The following ASCC1 variants were observed in gnomAD, a reference collection of about 807,000 sequenced individuals.
The protein encoded by ASCC1 is ASC-1 complex subunit P50.
ASCC1 carries 35 observed loss-of-function variants against 46.6 expected under a neutral mutation model. That is an observed-to-expected ratio of 0.75 (90% CI 0.57 to 0.99). The LOEUF is 0.99. ASCC1 is among the 50% of genes least tolerant of loss of function. The pLI is 0.00. For missense variants in ASCC1, 376 were observed against 428.7 expected, an observed-to-expected ratio of 0.88 and a Z score of 1.09; for synonymous variants, 143 against 146.6, an observed-to-expected ratio of 0.98 and a Z score of 0.18.
intron 9 of ASCC1, chr10:72,102,403 T>A: frequency 6.5e-7 from 1 of 1,550,200 alleles, no homozygotes; most frequent in Non-Finnish European, 8.7e-7. Flanking sequence ...AGAATATGCA[T>A]CAGAGACACC....
chr10:72,154,844 T>C (rs574681176), intron 6 of ASCC1, among the ~76,000 whole-genome samples: 9 of 152,128 alleles, frequency 5.9e-5, no homozygotes, highest in Non-Finnish European at 1.3e-4. Context: ...TACCAAAAGA[T>C]TGGCAACAGA....
intron 5 of ASCC1, among the ~76,000 whole-genome samples, chr10:72,184,255 A>G (rs186095022): frequency 6.6e-6 from 1 of 152,164 alleles, no homozygotes; most frequent in East Asian, 1.9e-4. Flanking sequence ...AAAATAAAGA[A>G]GAGACAGAAA....
At position 72,133,347 on chromosome 10, in the gene ASCC1, A is replaced by G. The variant is rs1199057941; in HGVS notation, c.747-166T>C. ...ACTCATCTCCCACCATCATGGAGCT[A>G]AAGATCAGTCTTGTTTGTCTGCTTA... is the stretch of plus-strand genomic sequence containing the variant. On this transcript the variant is annotated intron_variant, in intron 7 of 9. Coordinates refer to ENST00000672957, the MANE Select transcript of ASCC1 (RefSeq NM_001198800.3). 37 of 684,422 alleles carry G rather than the reference A, an allele frequency of 5.4e-5. No homozygotes were observed. The East Asian group carries it at 1.0e-3, about 19-fold the overall frequency. 42.4% of individuals were successfully genotyped at this position (684,422 alleles called of 1,614,324 possible). A position where few individuals can be genotyped will look rare whatever the true frequency, so the allele number is the denominator to read the frequency against.
intron 8 of ASCC1, among the ~76,000 whole-genome samples, chr10:72,130,778 C>T (rs1046092364): frequency 2.2e-4 from 34 of 152,202 alleles, no homozygotes; most frequent in Non-Finnish European, 8.8e-5. Context: ...TCACTAGCCA[C>T]CTTTCAAGTG....
At chr10:72,103,684 G>A (rs1374488535) in intron 9 of ASCC1, among the ~76,000 whole-genome samples, 1 of 152,092 alleles carries the variant, frequency 6.6e-6, no homozygotes, top group Non-Finnish European at 1.5e-5. Context: ...CTCCCCTGAA[G>A]CAGGTCATAA....
In ASCC1 at chr10:72,144,041, G is replaced by A. The variant is rs557294271; in HGVS notation, c.746+8828C>T. 2.7e-5 allele frequency among the ~76,000 whole-genome samples: 4 copies of A among 150,548 alleles called. No homozygotes were observed. The South Asian group carries it at 6.3e-4, about 24-fold the overall frequency. On this transcript the variant is annotated intron_variant, in intron 7 of 9. Coordinates refer to ENST00000672957, the MANE Select transcript of ASCC1 (RefSeq NM_001198800.3). ...CAGTCTCACTCTGTTGCCCACACGT[G>A]ATCTTGGCTCACTGCAACCTCCACC...
intron 7 of ASCC1, among the ~76,000 whole-genome samples, chr10:72,141,056 G>A (rs1283229924): frequency 6.7e-6 from 1 of 150,274 alleles, no homozygotes; most frequent in Non-Finnish European, 1.5e-5. Context: ...TAGATAGATA[G>A]ATAGATAGAT....
intron 6 of ASCC1, among the ~76,000 whole-genome samples, chr10:72,157,685 T>C (rs1288724196): frequency 2.0e-5 from 3 of 152,220 alleles, no homozygotes; most frequent in South Asian, 4.1e-4. Context: ...CACAACAACC[T>C]GAGTGTACTT....
Position 72,138,522 on chromosome 10 carries a change from G to C in ASCC1, c.747-5341C>G, listed in dbSNP as rs557124810. ...GAAGGAAATGATGCAGAGAGGCTGG[G>C]TTGCTCAGTCAGTGACAGAGGAACC... On this transcript the variant is annotated intron_variant, in intron 7 of 9. Transcript: ENST00000672957. Among the ~76,000 whole-genome samples the C allele has an allele frequency of 3.7e-4, 57 of 152,030 alleles. No individual in the cohort carries two copies. The South Asian group carries it at 0.012, about 31-fold the overall frequency.
chr10:72,108,466 C>G (rs1219174528), intron 9 of ASCC1, among the ~76,000 whole-genome samples: 1 of 152,166 alleles, frequency 6.6e-6, no homozygotes, highest in African/African-American at 2.4e-5. Flanking sequence ...CATAAACCAA[C>G]CTTGTATAGA....
At chr10:72,104,441 G>C (rs1043740411) in intron 9 of ASCC1, among the ~76,000 whole-genome samples, 5 of 152,124 alleles carry the variant, frequency 3.3e-5, no homozygotes, top group Admixed American at 2.0e-4. Flanking sequence ...AATGGGGAAA[G>C]ATGAAAAAGC....
At chr10:72,189,159 G>A (rs1360970432) in intron 5 of ASCC1, among the ~76,000 whole-genome samples, 1 of 151,998 alleles carries the variant, frequency 6.6e-6, no homozygotes, top group Admixed American at 6.6e-5. Flanking sequence ...CCAGCCCTTT[G>A]GGAGGCCGAG....
At chr10:72,106,555 G>T (rs146415957) in intron 9 of ASCC1, among the ~76,000 whole-genome samples, 56 of 152,208 alleles carry the variant, frequency 3.7e-4, no homozygotes, top group Non-Finnish European at 7.1e-4. Flanking sequence ...ACACTATTTT[G>T]TACTTAATAA....
chr10:72,141,415 C>T (rs1019898037), intron 7 of ASCC1, among the ~76,000 whole-genome samples: 2 of 152,118 alleles, frequency 1.3e-5, no homozygotes, highest in African/African-American at 4.8e-5. Context: ...ATTTAGACTG[C>T]CGCCAGTATT....
At chr10:72,164,137 A>AT (rs1414218685) in intron 5 of ASCC1, among the ~76,000 whole-genome samples, 3 of 151,554 alleles carry the variant, frequency 2.0e-5, no homozygotes, top group Admixed American at 6.6e-5. Context: ...TAATTTTTTG[A>AT]TTTTTTGTAG....
At chr10:72,111,399 T>A (rs1264912633) in intron 9 of ASCC1, among the ~76,000 whole-genome samples, 5 of 151,928 alleles carry the variant, frequency 3.3e-5, no homozygotes, top group Admixed American at 2.0e-4. Context: ...AGTGGGAGGA[T>A]CACTTAAGCC....
At chr10:72,196,782 T>G (rs752200485) in intron 5 of ASCC1, 29 bp downstream of exon 5, 1 of 1,598,362 alleles carries the variant, frequency 6.3e-7, no homozygotes, top group East Asian at 2.3e-5. Context: ...TAACTTTTTT[T>G]TTAACCTTCT....
At chr10:72,172,414 CAAAAAAAAAA>C (rs1041390323) in intron 5 of ASCC1, among the ~76,000 whole-genome samples, 2 of 40,296 alleles carry the variant, frequency 5.0e-5, no homozygotes, top group East Asian at 7.4e-4. Flanking sequence ...AACTCAGTCT[CAAAAAAAAAA>C]AAAAAAAAAA....
intron 5 of ASCC1, among the ~76,000 whole-genome samples, chr10:72,172,757 TTATATTATATATTATATTTTTTATATTA>T (rs1382887009): frequency 1.1e-4 from 13 of 114,976 alleles, no homozygotes; most frequent in African/African-American, 2.3e-4. Flanking sequence ...TTATATATTT[TTATATTATATATTATATTTTTTATATTA>T]TATATTATAT....
Sources: gnomAD v4.1 joint callset for allele counts (sites outside exome capture counted in the v4.1 genomes callset) on GRCh38, gnomAD v4.1.1 for gene constraint, MANE v1.5 for transcripts, NCBI Gene and HGNC (gene_info 2026-07-23, HGNC 2026-07-21) for gene names.